The following ESRRG variants were observed in gnomAD, a reference collection of about 807,000 sequenced individuals.
ESRRG encodes estrogen-related receptor gamma.
Under a neutral mutation model 44.0 loss-of-function variants are expected in ESRRG, and 13 were observed. That is an observed-to-expected ratio of 0.30 (90% CI 0.19 to 0.47). ESRRG has a LOEUF of 0.47. Ranked by LOEUF, ESRRG falls within the 20% of genes least tolerant of loss-of-function variation. ESRRG has a pLI of 1.00. For synonymous variants in ESRRG, 215 were observed against 214.6 expected (o/e 1.00, Z -0.02); for missense variants, 395 against 580.6 (o/e 0.68, Z 3.29).
At chr1:216,753,883 T>G (rs1013833908) in intron 2 of ESRRG, among the ~76,000 whole-genome samples, 2 of 151,930 alleles carry the variant, frequency 1.3e-5, no homozygotes, top group African/African-American at 4.8e-5. Context: ...TTGTCTACAT[T>G]TTCTTCAGAG....
intron 2 of ESRRG, among the ~76,000 whole-genome samples, chr1:216,748,617 G>A (rs942593952): frequency 6.6e-6 from 1 of 152,128 alleles, no homozygotes; most frequent in African/African-American, 2.4e-5. Flanking sequence ...AGTTACACAA[G>A]TAAGTTCATG....
intron 1 of ESRRG, among the ~76,000 whole-genome samples, chr1:217,015,343 C>T (rs2079185546): frequency 6.6e-6 from 1 of 152,154 alleles, no homozygotes. Context: ...GCTGGAAAAG[C>T]AAAATTTCAC....
intron 1 of ESRRG, among the ~76,000 whole-genome samples, chr1:216,951,665 C>T (rs2066967492): frequency 1.3e-5 from 2 of 151,424 alleles, no homozygotes; most frequent in African/African-American, 4.9e-5. Context: ...GCCCTAGAAT[C>T]CCAGATTTAA....
intron 1 of ESRRG, among the ~76,000 whole-genome samples, chr1:217,126,772 A>C (rs2102519833): frequency 6.6e-6 from 1 of 152,276 alleles, no homozygotes; most frequent in South Asian, 2.1e-4. Flanking sequence ...TGTAATGATA[A>C]TATGGTACTC....
intron 1 of ESRRG, among the ~76,000 whole-genome samples, chr1:217,063,209 C>G (rs1395111534): frequency 2.0e-5 from 3 of 152,130 alleles, no homozygotes; most frequent in South Asian, 2.1e-4. Flanking sequence ...AATCCAAGAG[C>G]AAGAGAGGAC....
chr1:216,543,750 G>A (rs564112839), intron 5 of ESRRG, among the ~76,000 whole-genome samples: 66 of 152,038 alleles, frequency 4.3e-4, no homozygotes, highest in Non-Finnish European at 6.6e-4. Context: ...CACTTTGCAG[G>A]ATTTTATTTA....
At chr1:216,902,826 C>T (rs920795074) in intron 2 of ESRRG, among the ~76,000 whole-genome samples, 6 of 152,202 alleles carry the variant, frequency 3.9e-5, no homozygotes, top group African/African-American at 1.4e-4. Flanking sequence ...ACATGCATAG[C>T]ATTGGATCTG....
intron 2 of ESRRG, among the ~76,000 whole-genome samples, chr1:216,860,686 T>C (rs1207493202): frequency 6.6e-6 from 1 of 152,174 alleles, no homozygotes; most frequent in Admixed American, 6.5e-5. Context: ...TGTACGTATA[T>C]ACAAGGCTGA....
intron 6 of ESRRG, among the ~76,000 whole-genome samples, chr1:216,516,033 CGTT>C (rs1353958994): frequency 3.3e-5 from 5 of 151,878 alleles, no homozygotes; most frequent in Admixed American, 1.3e-4. Context: ...AGTCAAACCT[CGTT>C]ATATACATGA....
chr1:217,084,697 A>G (rs535691287), intron 1 of ESRRG, among the ~76,000 whole-genome samples: 2 of 152,208 alleles, frequency 1.3e-5, no homozygotes, highest in Non-Finnish European at 2.9e-5. Context: ...GAGCAAATTC[A>G]TTTGTTAACA....
chr1:217,114,652 A>C (rs1418978739), intron 1 of ESRRG, among the ~76,000 whole-genome samples: 1 of 145,756 alleles, frequency 6.9e-6, no homozygotes, highest in Non-Finnish European at 1.5e-5. Flanking sequence ...TTGTGCATGG[A>C]GGTCCAAAAG....
intron 4 of ESRRG, among the ~76,000 whole-genome samples, chr1:216,565,246 G>C (rs2059479471): frequency 6.6e-6 from 1 of 152,200 alleles, no homozygotes; most frequent in Non-Finnish European, 1.5e-5. Context: ...AGGGTTTATG[G>C]AAGGGGCTGT....
chr1:216,535,456 C>T (rs2149186585), intron 5 of ESRRG, among the ~76,000 whole-genome samples: 1 of 152,252 alleles, frequency 6.6e-6, no homozygotes, highest in East Asian at 1.9e-4. Flanking sequence ...ATCCTGCAAA[C>T]ATGATCTCAC....
At chr1:216,662,633 G>T (rs2072804544) in intron 2 of ESRRG, among the ~76,000 whole-genome samples, 1 of 152,012 alleles carries the variant, frequency 6.6e-6, no homozygotes. Flanking sequence ...GAGTGGGGGG[G>T]TTCCTGTTTG....
intron 5 of ESRRG, among the ~76,000 whole-genome samples, chr1:216,562,936 GTAA>G (rs766285250): frequency 2.6e-4 from 40 of 152,048 alleles, no homozygotes; most frequent in Admixed American, 6.6e-4. Context: ...ACATCTTGCA[GTAA>G]ATCCTTTCTT....
chr1:216,635,012 A>ACTCT (rs772134013), intron 3 of ESRRG, among the ~76,000 whole-genome samples: 8 of 145,058 alleles, frequency 5.5e-5, no homozygotes, highest in African/African-American at 1.8e-4. Flanking sequence ...CTCTCTCTCT[A>ACTCT]CTCTCTCTCT....
intron 1 of ESRRG, among the ~76,000 whole-genome samples, chr1:217,015,197 C>T (rs2079164610): frequency 1.3e-5 from 2 of 152,132 alleles, no homozygotes; most frequent in South Asian, 4.1e-4. Context: ...GAAAATAGTG[C>T]AGGGGCTGAT....
At chr1:216,838,001 T>TG (rs996079624) in intron 2 of ESRRG, among the ~76,000 whole-genome samples, 2 of 152,160 alleles carry the variant, frequency 1.3e-5, no homozygotes, top group African/African-American at 4.8e-5. Flanking sequence ...AGCCTAGGTT[T>TG]GGGAGATGAG....
At chr1:216,853,581 A>G (rs2149007380) in intron 2 of ESRRG, among the ~76,000 whole-genome samples, 1 of 152,254 alleles carries the variant, frequency 6.6e-6, no homozygotes, top group South Asian at 2.1e-4. Context: ...CAATGGTCCC[A>G]CAACATACAG....
Sources: allele counts gnomAD v4.1 joint callset (sites outside exome capture counted in the v4.1 genomes callset), GRCh38; gene constraint gnomAD v4.1.1; transcripts MANE v1.5; gene names NCBI Gene and HGNC (gene_info 2026-07-23, HGNC 2026-07-21).